Variants in PTPRC observed in about 807,000 individuals in gnomAD.
PTPRC encodes the protein receptor-type tyrosine-protein phosphatase C.
A neutral mutation model predicts 155.9 loss-of-function variants in PTPRC; 44 were observed. The ratio of observed to expected loss-of-function variants is 0.28; its 90% CI spans 0.22 to 0.36. The LOEUF (loss-of-function observed/expected upper bound fraction) is 0.36, where lower values mean the gene tolerates loss of function less well. Ranked by LOEUF, PTPRC falls within the 10% of genes least tolerant of loss-of-function variation. PTPRC has a pLI of 1.00. For synonymous variants in PTPRC, 525 were observed against 533.1 expected (o/e 0.98, Z 0.21); for missense variants, 1,401 against 1,564.6 (o/e 0.90, Z 1.76).
chr1:198,646,581 G>A (rs764406118), intron 2 of PTPRC, among the ~76,000 whole-genome samples: 27 of 151,646 alleles, frequency 1.8e-4, no homozygotes, highest in Admixed American at 1.5e-3. Flanking sequence ...ATTTTTTGTT[G>A]TGTTGAAATT....
chr1:198,656,111 A>G (rs1406303878), intron 2 of PTPRC, among the ~76,000 whole-genome samples: 1 of 152,116 alleles, frequency 6.6e-6, no homozygotes, highest in Non-Finnish European at 1.5e-5. Context: ...TATTAGAAAA[A>G]TTTAAGAAGT....
In PTPRC at chr1:198,716,927, C is replaced by G. The variant is rs142786791; in HGVS notation, c.1450+87C>G. On this transcript the variant is annotated intron_variant, in intron 13 of 32. Transcript: ENST00000442510. ...AGCCTACAATATTTCTATCTTTATT[C>G]TAGCAAGCACATTTACCTGGCACAT... 150 of 1,274,870 alleles carry G rather than the reference C, an allele frequency of 1.2e-4. 2 individuals are homozygous for G. The highest frequency in any genetic ancestry group is 4.9e-4 in the South Asian group (39 of 79,866). The allele number at this position is 1,274,870 out of a possible 1,614,324, so 79.0% of individuals were successfully genotyped here. A position where few individuals can be genotyped will look rare whatever the true frequency, so the allele number is the denominator to read the frequency against.
chr1:198,745,936 T>C (rs1655116895), intron 26 of PTPRC, among the ~76,000 whole-genome samples: 1 of 151,720 alleles, frequency 6.6e-6, no homozygotes, highest in South Asian at 2.1e-4. Context: ...ATAATAGGGG[T>C]AATTTTCAAT....
rs747103347 is a variant in PTPRC, at chr1:198,742,276, T to C, written c.2606T>C (p.Met869Thr). 5 of 1,612,394 alleles carry C rather than the reference T, an allele frequency of 3.1e-6. No homozygotes were observed. The highest frequency in any genetic ancestry group is 4.2e-6 in the Non-Finnish European group (5 of 1,178,920). Residue 869 changes from methionine (M) to threonine (T), a missense_variant, in exon 25 of 33, where the codon ATG (methionine) becomes ACG (threonine). This residue lies in a region of PTPRC where 134 missense variants were observed against 204.7 expected (regional missense o/e 0.65). Transcript: ENST00000442510. ...GGAACCTATATCGGAATTGATGCCA[T>C]GCTAGAAGGCCTGGAAGCCGAGAAC... Reference protein sequence around the residue: ...RTGTYIGIDAMLEGLEAENKV... With the variant: ...RTGTYIGIDATLEGLEAENKV...
At chr1:198,650,835 T>C (rs1221053806) in intron 2 of PTPRC, among the ~76,000 whole-genome samples, 1 of 151,676 alleles carries the variant, frequency 6.6e-6, no homozygotes, top group African/African-American at 2.4e-5. Context: ...GAAAAGATAG[T>C]GAGAAGAGGT....
chr1:198,718,363 T>A, intron 14 of PTPRC, 61 bp downstream of exon 14: 1 of 1,357,518 alleles, frequency 7.4e-7, no homozygotes, highest in Non-Finnish European at 1.0e-6. Context: ...TGATTCATAG[T>A]ACTTAAATAA....
intron 2 of PTPRC, among the ~76,000 whole-genome samples, chr1:198,646,162 AT>A (rs1224226172): frequency 3.3e-5 from 5 of 151,832 alleles, no homozygotes; most frequent in African/African-American, 1.2e-4. Context: ...TTCCCTGATG[AT>A]TATATATATA....
At chr1:198,732,127 T>G (rs866979335) in intron 18 of PTPRC, among the ~76,000 whole-genome samples, 173 bp from the exon 19 acceptor site, 88 of 145,432 alleles carry the variant, frequency 6.1e-4, no homozygotes, top group African/African-American at 2.1e-3. Flanking sequence ...AAGAAAAAAG[T>G]TTTTTTTTTA....
chr1:198,692,833 T>A, intron 3 of PTPRC: 1 of 900,014 alleles, frequency 1.1e-6, no homozygotes, highest in Non-Finnish European at 1.3e-6. Flanking sequence ...CCTTTGAGAC[T>A]ATTGAGATAT....
intron 11 of PTPRC, 135 bp downstream of exon 11, chr1:198,709,959 G>T: frequency 8.0e-7 from 1 of 1,257,274 alleles, no homozygotes. Flanking sequence ...TTATTTCAAT[G>T]AAGCGCAATT....
chr1:198,648,934 A>G (rs1426756098), intron 2 of PTPRC, among the ~76,000 whole-genome samples: 2 of 151,728 alleles, frequency 1.3e-5, no homozygotes, highest in African/African-American at 4.8e-5. Context: ...TTGTTTTTGA[A>G]GTGCAAGGGA....
chr1:198,640,566 T>C lies in PTPRC; in HGVS notation c.73+1225T>C, dbSNP rs537644530. 2.0e-5 allele frequency among the ~76,000 whole-genome samples: 3 copies of C among 152,082 alleles called. No individual in the cohort carries two copies. The South Asian group carries it at 6.2e-4, about 31-fold the overall frequency. ...TATATATTTGCAGCATTTGTCTTAG[T>C]ACAGAAAATGTTTATCAAGTTACCA... On this transcript the variant is annotated intron_variant, in intron 2 of 32. Coordinates refer to ENST00000442510, the MANE Select transcript of PTPRC (RefSeq NM_002838.5).
At chr1:198,681,086 T>C (rs987534098) in intron 2 of PTPRC, among the ~76,000 whole-genome samples, 1 of 152,126 alleles carries the variant, frequency 6.6e-6, no homozygotes, top group African/African-American at 2.4e-5. Context: ...TTACTAAAGA[T>C]AGAGAAACCA....
intron 2 of PTPRC, among the ~76,000 whole-genome samples, chr1:198,655,229 A>G (rs1663494328): frequency 6.6e-6 from 1 of 151,926 alleles, no homozygotes. Context: ...TCCTGTACCA[A>G]ACATTTTAAA....
intron 12 of PTPRC, among the ~76,000 whole-genome samples, chr1:198,714,136 C>T (rs1360388995): frequency 6.6e-6 from 1 of 152,104 alleles, no homozygotes; most frequent in Non-Finnish European, 1.5e-5. Context: ...CTGTCTGCCT[C>T]ATTGGACACC....
chr1:198,714,338 G>GT (rs1259963316), intron 12 of PTPRC, among the ~76,000 whole-genome samples: 3 of 151,694 alleles, frequency 2.0e-5, no homozygotes, highest in South Asian at 2.1e-4. Flanking sequence ...TATTTTTACA[G>GT]TTTTTTTAAA....
chr1:198,747,836 C>T (rs1277184585), intron 26 of PTPRC, among the ~76,000 whole-genome samples: 9 of 151,738 alleles, frequency 5.9e-5, no homozygotes, highest in Admixed American at 1.3e-4. Flanking sequence ...TAAGAACAAA[C>T]TATATTATTT....
intron 2 of PTPRC, among the ~76,000 whole-genome samples, chr1:198,661,866 A>G (rs1447763717): frequency 2.0e-5 from 3 of 152,144 alleles, no homozygotes; most frequent in African/African-American, 7.2e-5. Flanking sequence ...AGTTTTCCGT[A>G]TTTGACACAT....
chr1:198,708,097 AT>A (rs1422521427), intron 9 of PTPRC, 35 bp from the exon 10 acceptor site: 1 of 1,567,352 alleles, frequency 6.4e-7, no homozygotes, highest in Admixed American at 1.7e-5. Flanking sequence ...ACATTATGAA[AT>A]ACTAATCAAG....
Sources: gnomAD v4.1 joint callset for allele counts (sites outside exome capture counted in the v4.1 genomes callset) on GRCh38, gnomAD v4.1.1 for gene constraint, gnomAD v4.1.1 regional missense constraint, MANE v1.5 for transcripts, NCBI Gene and HGNC (gene_info 2026-07-23, HGNC 2026-07-21) for gene names.